Variants in ANKRD6 observed in about 807,000 individuals in gnomAD.
The protein encoded by ANKRD6 is ankyrin repeat domain 6, also known as ankyrin repeat domain-containing protein 6.
A neutral mutation model predicts 82.3 loss-of-function variants in ANKRD6; 56 were observed. The ratio of observed to expected loss-of-function variants is 0.68; its 90% CI spans 0.55 to 0.85. ANKRD6 has a LOEUF of 0.85. ANKRD6 is among the 40% of genes least tolerant of loss of function. The pLI, the probability that ANKRD6 is intolerant of heterozygous loss-of-function variation, is 0.00. For missense variants in ANKRD6, 852 were observed against 907.6 expected (o/e 0.94, Z 0.79); for synonymous variants, 347 against 352.1 (o/e 0.99, Z 0.16).
Position 89,603,058 on chromosome 6 carries a change from A to G in ANKRD6, c.249A>G (p.Thr83=), listed in dbSNP as rs777847121. The change falls in exon 4 of 16, where the codon ACA becomes ACG. Residue 83 remains threonine (T), a synonymous_variant. Coordinates refer to ENST00000339746, the MANE Select transcript of ANKRD6 (RefSeq NM_001242809.2). The stretch of plus-strand genomic sequence containing the variant: ...ACCAGACCGCCTTGCACCGGGCCAC[A>G]GTGGTGGGGAACACGGAGATCATCG... ...DGDQTALHRA[T]VVGNTEIIAA... is the part of the protein sequence containing the mutation. The G allele has an allele frequency of 1.2e-6, 2 of 1,608,624 alleles. No individual in the cohort carries two copies. The highest frequency in any genetic ancestry group is 1.3e-5 in the African/African-American group (1 of 74,972).
chr6:89,463,266 AT>A (rs989272783), intron 1 of ANKRD6, among the ~76,000 whole-genome samples: 2 of 152,048 alleles, frequency 1.3e-5, no homozygotes, highest in Non-Finnish European at 2.9e-5. Context: ...TTTGTTATTA[AT>A]TTTTTTAAAA....
intron 1 of ANKRD6, among the ~76,000 whole-genome samples, chr6:89,434,935 A>T (rs941982717): frequency 2.0e-5 from 3 of 152,214 alleles, no homozygotes; most frequent in African/African-American, 7.2e-5. Context: ...AGACCAGAAA[A>T]CAACTAGTCG....
At chr6:89,595,051 G>A (rs1304948822) in intron 2 of ANKRD6, among the ~76,000 whole-genome samples, 2 of 152,166 alleles carry the variant, frequency 1.3e-5, no homozygotes, top group Non-Finnish European at 2.9e-5. Context: ...TACACCCAGC[G>A]TAGAATTTTT....
intron 15 of ANKRD6, among the ~76,000 whole-genome samples, chr6:89,629,801 G>T (rs925084740): frequency 6.6e-6 from 1 of 152,222 alleles, no homozygotes; most frequent in African/African-American, 2.4e-5. Flanking sequence ...CTAGGCCTCA[G>T]TGGGGGATTT....
intron 3 of ANKRD6, among the ~76,000 whole-genome samples, chr6:89,596,742 A>G (rs1337606736): frequency 6.6e-6 from 1 of 152,196 alleles, no homozygotes; most frequent in Non-Finnish European, 1.5e-5. Context: ...GGGCTGCCCT[A>G]CTGGGTCTTT....
At chr6:89,475,538 C>A (rs903140930) in intron 1 of ANKRD6, among the ~76,000 whole-genome samples, 7 of 152,130 alleles carry the variant, frequency 4.6e-5, no homozygotes, top group African/African-American at 1.7e-4. Context: ...ATAAAGACAT[C>A]AAAGAAAATA....
intron 1 of ANKRD6, among the ~76,000 whole-genome samples, chr6:89,445,699 C>G (rs916035953): frequency 6.6e-6 from 1 of 152,136 alleles, no homozygotes; most frequent in African/African-American, 2.4e-5. Flanking sequence ...CCGCCTCGGC[C>G]TCCCAAAGTG....
chr6:89,460,151 A>G (rs1246015050), intron 1 of ANKRD6, among the ~76,000 whole-genome samples: 1 of 150,544 alleles, frequency 6.6e-6, no homozygotes, highest in African/African-American at 2.4e-5. Flanking sequence ...GATATGAGAA[A>G]AATGAGACCT....
chr6:89,554,520 T>C (rs1390094953), intron 1 of ANKRD6, among the ~76,000 whole-genome samples: 1 of 152,120 alleles, frequency 6.6e-6, no homozygotes, highest in African/African-American at 2.4e-5. Context: ...GGACCCACCA[T>C]TCAGTTCACT....
intron 5 of ANKRD6, 103 bp from the exon 6 acceptor site, chr6:89,612,169 C>G: frequency 4.0e-6 from 4 of 988,884 alleles, no homozygotes; most frequent in Non-Finnish European, 6.0e-6. Flanking sequence ...AGAATGTGAG[C>G]GTTGCCTTTT....
chr6:89,621,746 A>G lies in ANKRD6; in HGVS notation c.793-176A>G, dbSNP rs1005395892. The G allele has an allele frequency of 1.4e-4, 87 of 635,472 alleles. No individual in the cohort carries two copies. In the Middle Eastern group the frequency reaches 2.0e-3, roughly 15 times the overall value. 39.4% of individuals were successfully genotyped at this position (635,472 alleles called of 1,614,324 possible). On this transcript the variant is annotated intron_variant, in intron 9 of 15. Transcript: ENST00000339746. The stretch of plus-strand genomic sequence containing the variant: ...CTGTCTCCGAGTCCCCGTGGTGCCC[A>G]GGACAAGACCTAGGAGGATGGTAGG...
intron 1 of ANKRD6, among the ~76,000 whole-genome samples, chr6:89,548,886 T>G (rs1785449255): frequency 6.6e-6 from 1 of 152,210 alleles, no homozygotes; most frequent in East Asian, 1.9e-4. Flanking sequence ...TTTGAATGTT[T>G]GTCCCTTCCA....
chr6:89,450,731 C>T (rs886647972), intron 1 of ANKRD6, among the ~76,000 whole-genome samples: 6 of 151,606 alleles, frequency 4.0e-5, no homozygotes, highest in South Asian at 4.2e-4. Context: ...AGGCTAGTCT[C>T]GATCTCCTGG....
chr6:89,619,701 T>G (rs746997719), intron 9 of ANKRD6: 1 of 152,246 alleles, frequency 6.6e-6, no homozygotes, highest in East Asian at 1.9e-4. Flanking sequence ...CAAGGAACTT[T>G]AGGCATAAGA....
At chr6:89,451,348 T>C (rs1041830187) in intron 1 of ANKRD6, among the ~76,000 whole-genome samples, 2 of 152,110 alleles carry the variant, frequency 1.3e-5, no homozygotes, top group Non-Finnish European at 2.9e-5. Flanking sequence ...CATCCTCTTT[T>C]CAGGAGCTCA....
At chr6:89,578,041 CA>C in intron 2 of ANKRD6, among the ~76,000 whole-genome samples, 1 of 152,308 alleles carries the variant, frequency 6.6e-6, no homozygotes, top group South Asian at 2.1e-4. Context: ...AGAGCTTGTT[CA>C]TAGAGGGTGA....
intron 1 of ANKRD6, among the ~76,000 whole-genome samples, chr6:89,468,579 C>G (rs888640978): frequency 4.1e-5 from 5 of 122,872 alleles, no homozygotes; most frequent in Admixed American, 1.0e-4. Context: ...TATGCTAACA[C>G]TAATGATAGT....
At chr6:89,578,059 C>T (rs1466703535) in intron 2 of ANKRD6, among the ~76,000 whole-genome samples, 1 of 152,192 alleles carries the variant, frequency 6.6e-6, no homozygotes, top group African/African-American at 2.4e-5. Context: ...GTGAGCCCCC[C>T]AGAGTTCTCT....
chr6:89,514,877 T>G (rs1781023870), intron 1 of ANKRD6, among the ~76,000 whole-genome samples: 1 of 152,170 alleles, frequency 6.6e-6, no homozygotes, highest in South Asian at 2.1e-4. Context: ...TTTCCAGTCT[T>G]TTAAAATTTT....
Sources: allele counts gnomAD v4.1 joint callset (sites outside exome capture counted in the v4.1 genomes callset), GRCh38; gene constraint gnomAD v4.1.1; transcripts MANE v1.5; gene names NCBI Gene and HGNC (gene_info 2026-07-23, HGNC 2026-07-21).